The following CTDP1 variants were observed in gnomAD, a reference collection of about 807,000 sequenced individuals.
CTDP1 encodes the protein CTD phosphatase 1.
Under a neutral mutation model 91.8 loss-of-function variants are expected in CTDP1, and 47 were observed. The ratio of observed to expected loss-of-function variants is 0.51; its 90% CI spans 0.41 to 0.65. The LOEUF is 0.65. Ranked by LOEUF, CTDP1 falls within the 30% of genes least tolerant of loss-of-function variation. CTDP1 has a pLI of 0.00. For synonymous variants in CTDP1, 656 were observed against 598.5 expected (o/e 1.10, Z -1.40); for missense variants, 1,272 against 1,373.7 (o/e 0.93, Z 1.17).
At chr18:79,728,250 C>A (rs1290411325) in intron 10 of CTDP1, among the ~76,000 whole-genome samples, 1 of 152,084 alleles carries the variant, frequency 6.6e-6, no homozygotes, top group African/African-American at 2.4e-5. Flanking sequence ...CAGGCGTGCA[C>A]CACCACACCG....
intron 3 of CTDP1, among the ~76,000 whole-genome samples, chr18:79,696,446 G>A (rs1036931461): frequency 9.9e-5 from 15 of 152,156 alleles, no homozygotes; most frequent in African/African-American, 2.9e-4. Flanking sequence ...CCGCGCTGCC[G>A]AGGCATGTGC....
intron 12 of CTDP1, among the ~76,000 whole-genome samples, chr18:79,737,127 G>A (rs984851318): frequency 2.6e-5 from 4 of 152,210 alleles, no homozygotes; most frequent in Admixed American, 1.3e-4. Flanking sequence ...CGCTTCCTTC[G>A]CCATGAATGA....
intron 6 of CTDP1, among the ~76,000 whole-genome samples, chr18:79,711,753 C>CCTGT (rs1420151327): frequency 5.3e-5 from 8 of 152,262 alleles, no homozygotes; most frequent in Admixed American, 1.3e-4. Flanking sequence ...AGAGCCCCTT[C>CCTGT]CTGTCAGCTC....
At position 79,754,087 on chromosome 18, in the gene CTDP1, G is replaced by A. The variant is rs1054728544; in HGVS notation, c.*297G>A. On this transcript the variant is annotated 3_prime_UTR_variant, in exon 13 of 13. Transcript: ENST00000613122. ...TGCGCCCGCTGTCTCGGTAAGGGGC[G>A]GGTTGGTGTGTTTTCCCCTTGTGTA... The A allele has an allele frequency of 1.8e-5, 8 of 448,804 alleles. No individual in the cohort carries two copies. The highest frequency in any genetic ancestry group is 2.5e-5 in the Non-Finnish European group (6 of 241,602). The allele number at this position is 448,804 out of a possible 1,614,324, so 27.8% of individuals were successfully genotyped here. A position where few individuals can be genotyped will look rare whatever the true frequency, so the allele number is the denominator to read the frequency against.
At chr18:79,711,479 C>T (rs1040965498) in intron 6 of CTDP1, among the ~76,000 whole-genome samples, 6 of 152,068 alleles carry the variant, frequency 3.9e-5, no homozygotes, top group South Asian at 2.1e-4. Flanking sequence ...GGCGTAGGGA[C>T]GGGATGGCAT....
At position 79,679,922 on chromosome 18, in the gene CTDP1, GA is replaced by G. The variant is rs1219794241; in HGVS notation, c.-25del. ...CTGAGCGCAGCGCAGGCCCCGTACC[GA>G]CCGCCCGCCCGCCCTCTGTCCGCGA... On this transcript the variant is annotated 5_prime_UTR_variant, in exon 1 of 13. Coordinates refer to ENST00000613122, the MANE Select transcript of CTDP1 (RefSeq NM_004715.5). 48 of 1,378,998 alleles carry G rather than the reference GA, an allele frequency of 3.5e-5. No homozygotes were observed. The highest frequency in any genetic ancestry group is 4.4e-5 in the Non-Finnish European group (47 of 1,062,666). The allele number at this position is 1,378,998 out of a possible 1,614,324, so 85.4% of individuals were successfully genotyped here. A position where few individuals can be genotyped will look rare whatever the true frequency, so the allele number is the denominator to read the frequency against.
At chr18:79,739,821 C>CGGCGCT (rs1311094602) in intron 12 of CTDP1, among the ~76,000 whole-genome samples, 1 of 145,162 alleles carries the variant, frequency 6.9e-6, no homozygotes, top group African/African-American at 2.6e-5. Context: ...GGGTGGGACT[C>CGGCGCT]TCATACCCAC....
Position 79,679,891 on chromosome 18 carries a change from T to G in CTDP1, c.-57T>G. 3 of 1,291,294 alleles carry G rather than the reference T, an allele frequency of 2.3e-6. No homozygotes were observed. The highest frequency in any genetic ancestry group is 1.6e-5 in the African/African-American group (1 of 61,634). 80.0% of individuals were successfully genotyped at this position (1,291,294 alleles called of 1,614,324 possible). ...TGGGTTGTGTCGCCGCGGTAGGCGC[T>G]GCGCTCTGAGCGCAGCGCAGGCCCC... On this transcript the variant is annotated 5_prime_UTR_variant, in exon 1 of 13. Coordinates refer to ENST00000613122, the MANE Select transcript of CTDP1 (RefSeq NM_004715.5).
At chr18:79,687,842 T>A (rs1232387348) in intron 1 of CTDP1, among the ~76,000 whole-genome samples, 8 of 152,184 alleles carry the variant, frequency 5.3e-5, no homozygotes, top group African/African-American at 1.9e-4. Flanking sequence ...TCCTTGCAGG[T>A]CTGTTTACCC....
intron 5 of CTDP1, among the ~76,000 whole-genome samples, chr18:79,708,927 C>G (rs2086023503): frequency 6.6e-6 from 1 of 152,250 alleles, no homozygotes. Flanking sequence ...TAATGTTAAA[C>G]TCAGTAAATG....
intron 8 of CTDP1, among the ~76,000 whole-genome samples, chr18:79,717,039 A>G (rs1167281219): frequency 6.9e-6 from 1 of 144,970 alleles, no homozygotes; most frequent in Non-Finnish European, 1.5e-5. Context: ...CAGCTGGGTA[A>G]AGGCCCTGAG....
intron 10 of CTDP1, among the ~76,000 whole-genome samples, chr18:79,728,683 A>G (rs1012835285): frequency 6.6e-6 from 1 of 152,244 alleles, no homozygotes; most frequent in African/African-American, 2.4e-5. Flanking sequence ...ATTTTTCCAC[A>G]GGATAGTCAG....
intron 12 of CTDP1, among the ~76,000 whole-genome samples, chr18:79,738,221 C>T (rs1161244127): frequency 1.3e-5 from 2 of 152,238 alleles, no homozygotes; most frequent in African/African-American, 2.4e-5. Context: ...GCACGGCTCC[C>T]GTCTTCAGCT....
intron 12 of CTDP1, among the ~76,000 whole-genome samples, chr18:79,751,489 A>G (rs2122906027): frequency 6.6e-6 from 1 of 152,228 alleles, no homozygotes; most frequent in East Asian, 1.9e-4. Flanking sequence ...TCTCTGAACG[A>G]GCTTGTCGTG....
intron 1 of CTDP1, among the ~76,000 whole-genome samples, chr18:79,688,698 C>A (rs1445367824): frequency 6.6e-6 from 1 of 152,248 alleles, no homozygotes; most frequent in African/African-American, 2.4e-5. Flanking sequence ...TCACTCCCAG[C>A]CACACCCGGC....
intron 1 of CTDP1, among the ~76,000 whole-genome samples, chr18:79,694,028 C>T (rs1183218459): frequency 1.3e-5 from 2 of 152,224 alleles, no homozygotes; most frequent in Admixed American, 6.5e-5. Flanking sequence ...CTCTCGATGA[C>T]ATGGCTGGGG....
rs1368772700 is a variant in CTDP1 at position 79,687,236 on chromosome 18, C to T, written c.314+6975C>T. The stretch of plus-strand genomic sequence containing the variant: ...CTCCAGTTCACTGGTGGGCATGCAC[C>T]GCAGCAGTTGGCTTCGTCAGTTCAC... On this transcript the variant is annotated intron_variant, in intron 1 of 12. Coordinates refer to ENST00000613122, the MANE Select transcript of CTDP1 (RefSeq NM_004715.5). Among the ~76,000 whole-genome samples the T allele has an allele frequency of 1.5e-4, 20 of 135,238 alleles. 1 individual carries two copies. The highest frequency in any genetic ancestry group is 1.8e-4 in the African/African-American group (6 of 34,270). 88.7% of individuals were successfully genotyped at this position (135,238 alleles called of 152,430 possible). A position where few individuals can be genotyped will look rare whatever the true frequency, so the allele number is the denominator to read the frequency against.
chr18:79,681,990 G>A (rs1354387742), intron 1 of CTDP1, among the ~76,000 whole-genome samples: 1 of 152,216 alleles, frequency 6.6e-6, no homozygotes, highest in Non-Finnish European at 1.5e-5. Flanking sequence ...TGCCCGTGCA[G>A]TGGGCGTGGG....
At chr18:79,700,035 A>T (rs761087280) in intron 4 of CTDP1, among the ~76,000 whole-genome samples, 1 of 152,078 alleles carries the variant, frequency 6.6e-6, no homozygotes, top group African/African-American at 2.4e-5. Context: ...CACGAACCAC[A>T]CCCACATAAG....
Sources: allele counts gnomAD v4.1 joint callset (sites outside exome capture counted in the v4.1 genomes callset), GRCh38; gene constraint gnomAD v4.1.1; transcripts MANE v1.5; gene names NCBI Gene and HGNC (gene_info 2026-07-23, HGNC 2026-07-21).